Variants in MYO9A observed in about 807,000 individuals in gnomAD.
MYO9A encodes unconventional myosin-IXa.
Under a neutral mutation model 293.3 loss-of-function variants are expected in MYO9A, and 103 were observed. The ratio of observed to expected loss-of-function variants is 0.35; its 90% CI spans 0.30 to 0.41. MYO9A has a LOEUF of 0.41. MYO9A is among the 10% of genes least tolerant of loss of function. MYO9A has a pLI of 1.00. For synonymous variants in MYO9A, 1,001 were observed against 1,035.7 expected (o/e 0.97, Z 0.64); for missense variants, 2,685 against 3,033.0 (o/e 0.89, Z 2.69).
chr15:71,839,670 A>G (rs540694438), intron 39 of MYO9A, among the ~76,000 whole-genome samples: 1 of 152,216 alleles, frequency 6.6e-6, no homozygotes, highest in South Asian at 2.1e-4. Context: ...TTGGCCTTCC[A>G]AAGTGCTGGG....
At chr15:71,959,281 C>T (rs2059270895) in intron 14 of MYO9A, 1 of 152,162 alleles carries the variant, frequency 6.6e-6, no homozygotes, top group East Asian at 1.9e-4. Flanking sequence ...TTGTCTCAAA[C>T]ATTTAAAAGC....
chr15:71,851,622 C>G (rs1288315548), intron 36 of MYO9A, among the ~76,000 whole-genome samples: 1 of 152,114 alleles, frequency 6.6e-6, no homozygotes, highest in Non-Finnish European at 1.5e-5. Context: ...GTTTTTCAGT[C>G]ATTGTGTAGC....
rs1259375408 is a variant in MYO9A at position 72,020,909 on chromosome 15, A to C, written c.1098+9T>G. 1 of 1,470,080 alleles carries C rather than the reference A, an allele frequency of 6.8e-7. No homozygotes were observed. Among genetic ancestry groups the C allele is most frequent in the Non-Finnish European group, 9.0e-7 (1 of 1,106,570 alleles). 91.1% of individuals were successfully genotyped at this position (1,470,080 alleles called of 1,614,324 possible). ...CCTATACTTCAAAATGCTTTTTATG[A>C]ACTCTCACCTGATTGAGATAATGAT... On this transcript the variant is annotated intron_variant, in intron 5 of 41. Coordinates refer to ENST00000356056, the MANE Select transcript of MYO9A (RefSeq NM_006901.4).
chr15:71,889,367 C>A (rs1339796369), intron 26 of MYO9A: 1 of 149,062 alleles, frequency 6.7e-6, no homozygotes, highest in East Asian at 2.0e-4. Flanking sequence ...GGGCACTGGG[C>A]AAAGTATAGA....
chr15:72,099,909 C>CAAA lies in MYO9A; in HGVS notation c.-72+17768_-72+17770dup, dbSNP rs34892673. 4.8e-3 allele frequency among the ~76,000 whole-genome samples: 188 copies of CAAA among 39,208 alleles called. 2 individuals are homozygous for CAAA. Among genetic ancestry groups the CAAA allele is most frequent in the East Asian group, 7.3e-3 (7 of 960 alleles). 25.7% of individuals were successfully genotyped at this position (39,208 alleles called of 152,430 possible). A position where few individuals can be genotyped will look rare whatever the true frequency, so the allele number is the denominator to read the frequency against. ...TGGGTGACAGAGCAAGACTTGGTCTCAAAAAAAAAAAAAAAAAAAAAAAAG... is the reference window on the plus strand; with the variant it reads ...TGGGTGACAGAGCAAGACTTGGTCTCAAAAAAAAAAAAAAAAAAAAAAAAAAAG... On this transcript the variant is annotated intron_variant, in intron 1 of 41. Transcript: ENST00000356056.
In MYO9A at chr15:71,902,995, A is replaced by G; in HGVS notation, c.2946T>C (p.Asp982=). The change falls in exon 22 of 42, where the codon GAT becomes GAC. Residue 982 remains aspartate, a synonymous_variant. Transcript: ENST00000356056. ...GATTAAGATTTATTTTCCTGAAGAA[A>G]TCCTGAATGTTAAATTTGGATGGAA... ...NIIPSKFNIQ[D]FFRKINLNPD... 6.3e-7 allele frequency: 1 copy of G among 1,586,838 alleles called. No homozygotes were observed. The highest frequency in any genetic ancestry group is 8.6e-7 in the Non-Finnish European group (1 of 1,159,008).
intron 9 of MYO9A, 115 bp downstream of exon 9, chr15:71,999,736 C>T (rs2076811287): frequency 1.5e-6 from 1 of 680,818 alleles, no homozygotes; most frequent in Non-Finnish European, 2.4e-6. Context: ...GAAAATATTT[C>T]AATCAAAACT....
intron 15 of MYO9A, among the ~76,000 whole-genome samples, chr15:71,940,211 T>C (rs2058739206): frequency 5.3e-5 from 8 of 151,574 alleles, no homozygotes; most frequent in Admixed American, 4.6e-4. Context: ...ATCATGCAAA[T>C]GGGCCAGGCA....
At chr15:72,087,045 C>A (rs182594508) in intron 1 of MYO9A, among the ~76,000 whole-genome samples, 41 of 152,294 alleles carry the variant, frequency 2.7e-4, no homozygotes, top group African/African-American at 9.6e-4. Context: ...GGATTACAGG[C>A]ATGAGCCACC....
intron 1 of MYO9A, among the ~76,000 whole-genome samples, chr15:72,101,534 C>T (rs2080323078): frequency 8.2e-6 from 1 of 122,406 alleles, no homozygotes; most frequent in African/African-American, 3.2e-5. Flanking sequence ...GCCCCCCGCC[C>T]GGCCAGCCGC....
intron 14 of MYO9A, among the ~76,000 whole-genome samples, chr15:71,957,747 C>T (rs899782176): frequency 6.6e-6 from 1 of 152,138 alleles, no homozygotes; most frequent in Non-Finnish European, 1.5e-5. Flanking sequence ...CATCTGCAGA[C>T]ACTATATAAA....
intron 39 of MYO9A, among the ~76,000 whole-genome samples, chr15:71,843,899 T>C (rs2055275698): frequency 6.6e-6 from 1 of 152,196 alleles, no homozygotes; most frequent in South Asian, 2.1e-4. Context: ...GCACCAAAAT[T>C]TACATTAAGT....
intron 1 of MYO9A, among the ~76,000 whole-genome samples, chr15:72,065,106 G>C (rs1407469598): frequency 6.6e-6 from 1 of 152,190 alleles, no homozygotes. Flanking sequence ...TATGTCAATG[G>C]TGCTGCACCA....
chr15:71,828,814 C>G (rs910251493), intron 40 of MYO9A, among the ~76,000 whole-genome samples: 11 of 152,204 alleles, frequency 7.2e-5, no homozygotes, highest in Admixed American at 1.3e-4. Flanking sequence ...TCTACTTTAT[C>G]TAAGCTACTT....
intron 19 of MYO9A, among the ~76,000 whole-genome samples, chr15:71,905,242 TG>T (rs2143885365): frequency 6.6e-6 from 1 of 152,312 alleles, no homozygotes; most frequent in African/African-American, 2.4e-5. Context: ...ATATTGCAGA[TG>T]TTTTCAGAAC....
chr15:71,936,902 T>C (rs2058657107), intron 16 of MYO9A, among the ~76,000 whole-genome samples: 1 of 151,368 alleles, frequency 6.6e-6, no homozygotes, highest in East Asian at 1.9e-4. Flanking sequence ...CTTATATTTT[T>C]CTCATTTACA....
intron 1 of MYO9A, among the ~76,000 whole-genome samples, chr15:72,103,647 C>A (rs77354200): frequency 6.7e-6 from 1 of 149,866 alleles, no homozygotes; most frequent in Non-Finnish European, 1.5e-5. Flanking sequence ...ACAGAAGAAG[C>A]AGAAGTAACA....
chr15:71,828,115 T>C lies in MYO9A; in HGVS notation c.7041-89A>G, dbSNP rs565586747. 76 of 1,446,764 alleles carry C rather than the reference T, an allele frequency of 5.3e-5. No individual in the cohort carries two copies. In the Middle Eastern group the frequency reaches 7.5e-4, roughly 14 times the overall value. The allele number at this position is 1,446,764 out of a possible 1,614,324, so 89.6% of individuals were successfully genotyped here. On this transcript the variant is annotated intron_variant, in intron 40 of 41. Transcript: ENST00000356056. ...AAAGATCCTCCATGGAAGTCAGGAA[T>C]CTAAGAAGCAAAGAGAGTCCATTTT...
intron 39 of MYO9A, among the ~76,000 whole-genome samples, chr15:71,842,346 C>T (rs1027198746): frequency 7.9e-5 from 12 of 151,926 alleles, no homozygotes; most frequent in African/African-American, 2.9e-4. Context: ...CACTGCACTC[C>T]AGCGTGGGTG....
Sources: gnomAD v4.1 joint callset for allele counts (sites outside exome capture counted in the v4.1 genomes callset) on GRCh38, gnomAD v4.1.1 for gene constraint, MANE v1.5 for transcripts, NCBI Gene and HGNC (gene_info 2026-07-23, HGNC 2026-07-21) for gene names.